RBMS3: variants seen among roughly 807,000 people sequenced by gnomAD.
RBMS3 encodes RNA binding motif single stranded interacting protein 3, also known as RNA-binding motif, single-stranded-interacting protein 3.
RBMS3 carries 27 observed loss-of-function variants against 66.8 expected under a neutral mutation model. That is an observed-to-expected ratio of 0.40 (90% CI 0.30 to 0.56). The LOEUF (loss-of-function observed/expected upper bound fraction) is 0.56. RBMS3 is among the 20% of genes least tolerant of loss of function. The probability of loss-of-function intolerance (pLI) is 0.40; values close to 1 mark genes in which losing one functional copy is unlikely to be tolerated. For missense variants in RBMS3, 513 were observed against 549.5 expected (o/e 0.93, Z 0.66); for synonymous variants, 188 against 183.0 (o/e 1.03, Z -0.22).
At chr3:29,463,195 AT>A (rs774776989) in intron 2 of RBMS3, among the ~76,000 whole-genome samples, 20 of 152,320 alleles carry the variant, frequency 1.3e-4, no homozygotes, top group Non-Finnish European at 2.1e-4. Flanking sequence ...ATTTGTTAAC[AT>A]TTAACCTATT....
intron 3 of RBMS3, among the ~76,000 whole-genome samples, chr3:29,495,829 A>G (rs1025436904): frequency 1.3e-5 from 2 of 152,112 alleles, no homozygotes; most frequent in African/African-American, 4.8e-5. Context: ...TCCTTTACCT[A>G]TGGATTAGTT....
At chr3:29,662,879 C>T (rs547232445) in intron 4 of RBMS3, among the ~76,000 whole-genome samples, 8 of 152,142 alleles carry the variant, frequency 5.3e-5, no homozygotes, top group Admixed American at 1.3e-4. Context: ...ATAAAACATC[C>T]GTTTCTTCTA....
At chr3:29,295,216 C>T (rs1314217481) in intron 1 of RBMS3, among the ~76,000 whole-genome samples, 1 of 149,206 alleles carries the variant, frequency 6.7e-6, no homozygotes, top group Non-Finnish European at 1.5e-5. Context: ...CTGCAGTGTT[C>T]TCCTCTGTCA....
intron 1 of RBMS3, among the ~76,000 whole-genome samples, chr3:29,402,546 A>C (rs1329730577): frequency 6.6e-6 from 1 of 152,068 alleles, no homozygotes; most frequent in Non-Finnish European, 1.5e-5. Flanking sequence ...TTTATTTTCT[A>C]ATAATGATGG....
chr3:29,773,214 G>A lies in RBMS3; in HGVS notation c.637+10225G>A, dbSNP rs569443868. 2.6e-3 allele frequency among the ~76,000 whole-genome samples: 396 copies of A among 152,124 alleles called. 3 individuals are homozygous for A. The highest frequency in any genetic ancestry group is 8.6e-3 in the African/African-American group (358 of 41,540). ...CTCACACCCCTACTCATTGTCCCAT[G>A]AAACGGGGATTGTCCTAAAGCTCTA... On this transcript the variant is annotated intron_variant, in intron 6 of 14. Transcript: ENST00000383767.
chr3:29,730,658 C>T (rs776262224), intron 4 of RBMS3, among the ~76,000 whole-genome samples: 3 of 152,010 alleles, frequency 2.0e-5, no homozygotes, highest in African/African-American at 4.8e-5. Context: ...GAGTTCATAG[C>T]AGGTGGATAA....
intron 12 of RBMS3, among the ~76,000 whole-genome samples, chr3:29,982,308 C>T (rs1438727534): frequency 6.6e-6 from 1 of 152,046 alleles, no homozygotes; most frequent in Admixed American, 6.5e-5. Flanking sequence ...TATGATTCTT[C>T]TCTGTTTTCT....
intron 4 of RBMS3, among the ~76,000 whole-genome samples, chr3:29,666,348 CA>C (rs1483614987): frequency 6.6e-6 from 1 of 152,164 alleles, no homozygotes; most frequent in African/African-American, 2.4e-5. Context: ...GGGATTTTTG[CA>C]ATTGTTACTG....
intron 6 of RBMS3, among the ~76,000 whole-genome samples, chr3:29,856,981 C>T (rs561830574): frequency 1.8e-4 from 28 of 152,164 alleles, no homozygotes; most frequent in African/African-American, 6.5e-4. Flanking sequence ...ATTTCAGTAC[C>T]TTGACTCTTG....
chr3:29,673,916 A>G (rs1256365272), intron 4 of RBMS3, among the ~76,000 whole-genome samples: 1 of 152,208 alleles, frequency 6.6e-6, no homozygotes, highest in East Asian at 1.9e-4. Context: ...GGCCTGCATC[A>G]TCCTGATACC....
chr3:29,989,626 A>T (rs2149798109), intron 13 of RBMS3, among the ~76,000 whole-genome samples: 1 of 152,324 alleles, frequency 6.6e-6, no homozygotes, highest in East Asian at 1.9e-4. Flanking sequence ...GTTTGTTCAT[A>T]CCAAGGTTTA....
intron 2 of RBMS3, among the ~76,000 whole-genome samples, chr3:29,485,798 A>G (rs1198929986): frequency 1.3e-5 from 2 of 152,144 alleles, no homozygotes; most frequent in African/African-American, 4.8e-5. Context: ...ATTTCCAGGC[A>G]TTATTCAGCA....
intron 4 of RBMS3, among the ~76,000 whole-genome samples, chr3:29,618,228 C>T (rs1050605695): frequency 6.6e-6 from 1 of 152,140 alleles, no homozygotes; most frequent in Admixed American, 6.5e-5. Context: ...GGTGCAATGG[C>T]TCAAGCCTGT....
At position 29,749,879 on chromosome 3, in the gene RBMS3, T is replaced by A. The variant is rs191048373; in HGVS notation, c.557+10002T>A. On this transcript the variant is annotated intron_variant, in intron 5 of 14. Transcript: ENST00000383767. ...ATACCAAAAAACAAACACATTCTTA[T>A]TGAACTTATGCAAATAACTATATTG... Among the ~76,000 whole-genome samples, 14 of 152,324 alleles carry A rather than the reference T, an allele frequency of 9.2e-5. No homozygotes were observed. The East Asian group carries it at 1.5e-3, about 17-fold the overall frequency.
intron 6 of RBMS3, among the ~76,000 whole-genome samples, chr3:29,772,437 AT>A (rs1173052555): frequency 2.6e-5 from 4 of 152,004 alleles, no homozygotes; most frequent in African/African-American, 9.7e-5. Context: ...GTTTCTCCTG[AT>A]TTTTACCTTC....
At chr3:29,432,469 T>C (rs1297152520) in intron 1 of RBMS3, among the ~76,000 whole-genome samples, 5 of 152,212 alleles carry the variant, frequency 3.3e-5, no homozygotes, top group Admixed American at 6.5e-5. Context: ...AGATTACTAT[T>C]GCAAGAAATG....
At chr3:29,608,606 T>C (rs1018490081) in intron 4 of RBMS3, among the ~76,000 whole-genome samples, 2 of 152,056 alleles carry the variant, frequency 1.3e-5, no homozygotes, top group Non-Finnish European at 2.9e-5. Context: ...ATCTAAGTTT[T>C]ATACATAGTT....
intron 3 of RBMS3, among the ~76,000 whole-genome samples, chr3:29,533,362 G>A (rs1240794760): frequency 6.6e-6 from 1 of 152,118 alleles, no homozygotes; most frequent in Non-Finnish European, 1.5e-5. Context: ...TATGCCCTTA[G>A]TCTCAGCTAC....
intron 1 of RBMS3, among the ~76,000 whole-genome samples, chr3:29,392,287 A>G (rs1261346024): frequency 6.6e-6 from 1 of 152,162 alleles, no homozygotes; most frequent in Non-Finnish European, 1.5e-5. Flanking sequence ...ATAAAAGGTA[A>G]GATCTATTGC....
Sources: allele counts gnomAD v4.1 joint callset (sites outside exome capture counted in the v4.1 genomes callset), GRCh38; gene constraint gnomAD v4.1.1; transcripts MANE v1.5; gene names NCBI Gene and HGNC (gene_info 2026-07-23, HGNC 2026-07-21).